TRIM16: variants seen among roughly 807,000 people sequenced by gnomAD.
The protein encoded by TRIM16 is tripartite motif-containing protein 16.
In TRIM16, 33 loss-of-function variants were observed where a neutral mutation model predicts 50.4. The ratio of observed to expected loss-of-function variants is 0.65; its 90% CI spans 0.50 to 0.88. TRIM16 has a LOEUF of 0.88. Ranked by LOEUF, TRIM16 falls within the 40% of genes least tolerant of loss-of-function variation. The probability of loss-of-function intolerance (pLI) is 0.00; values close to 1 mark genes in which losing one functional copy is unlikely to be tolerated. For synonymous variants in TRIM16, 229 were observed against 270.7 expected (o/e 0.85, Z 1.51); for missense variants, 581 against 686.8 (o/e 0.85, Z 1.72).
intron 7 of TRIM16, chr17:15,643,139 C>T (rs1419057954): frequency 8.9e-7 from 1 of 1,124,282 alleles, no homozygotes; most frequent in Non-Finnish European, 1.1e-6. Context: ...CCTAAACCCC[C>T]AACAATCTGA....
intron 4 of TRIM16, among the ~76,000 whole-genome samples, chr17:15,679,161 G>A (rs1989072565): frequency 6.6e-6 from 1 of 152,138 alleles, no homozygotes; most frequent in Admixed American, 6.5e-5. Flanking sequence ...TTACAGGCAT[G>A]AGCCACCGCA....
At position 15,632,624 on chromosome 17, in the gene TRIM16, G is replaced by A. The variant is rs1367375334; in HGVS notation, c.900C>T (p.Tyr300=). 5.0e-6 allele frequency: 8 copies of A among 1,613,724 alleles called. No homozygotes were observed. Among genetic ancestry groups the A allele is most frequent in the East Asian group, 2.2e-5 (1 of 44,888 alleles). Residue 300 remains tyrosine (Y), a synonymous_variant, in exon 10 of 12, where the codon TAC becomes TAT. Coordinates refer to ENST00000649191, the MANE Select transcript of TRIM16 (RefSeq NM_001348119.1). ...CCGAGAGTTTATCCTTCAGCCCTAC[G>A]TAAACACTAGGGAAGGTGATGTCTT... ...NTEDITFPSV[Y]VGLKDKLSGI... is the part of the protein sequence containing the mutation.
intron 6 of TRIM16, among the ~76,000 whole-genome samples, chr17:15,658,372 A>C (rs1988070141): frequency 1.3e-5 from 2 of 152,224 alleles, no homozygotes; most frequent in Non-Finnish European, 1.5e-5. Context: ...AAGCCAAAAC[A>C]GCCTTTCATT....
At chr17:15,670,066 C>A (rs1396531911) in intron 6 of TRIM16, among the ~76,000 whole-genome samples, 2 of 152,226 alleles carry the variant, frequency 1.3e-5, no homozygotes, top group East Asian at 3.8e-4. Context: ...AAGAATATCA[C>A]ACCAGGTAAA....
chr17:15,666,157 G>C (rs532223534), intron 6 of TRIM16, among the ~76,000 whole-genome samples: 3 of 152,322 alleles, frequency 2.0e-5, no homozygotes, highest in African/African-American at 4.8e-5. Flanking sequence ...TATGGCAATA[G>C]GCTCCACACT....
At chr17:15,654,607 G>A (rs776565559) in intron 6 of TRIM16, 44 of 152,286 alleles carry the variant, frequency 2.9e-4, no homozygotes, top group Non-Finnish European at 5.9e-4. Context: ...TTGTGAAGAC[G>A]CTGTTTCTCT....
At chr17:15,669,902 C>T (rs1336885458) in intron 6 of TRIM16, among the ~76,000 whole-genome samples, 9 of 152,160 alleles carry the variant, frequency 5.9e-5, no homozygotes, top group Non-Finnish European at 1.3e-4. Context: ...AGTAACACCC[C>T]CTCCCCCAAT....
chr17:15,652,069 C>T (rs1383421522), intron 6 of TRIM16, 123 bp from the exon 7 acceptor site: 1 of 686,286 alleles, frequency 1.5e-6, no homozygotes, highest in East Asian at 1.2e-4. Context: ...ACTTCAACAC[C>T]AGGACAGCCA....
intron 6 of TRIM16, among the ~76,000 whole-genome samples, chr17:15,656,728 T>TTC (rs1036814722): frequency 1.3e-5 from 2 of 152,152 alleles, no homozygotes; most frequent in African/African-American, 2.4e-5. Flanking sequence ...TCTGAATGCC[T>TTC]TCTTTGTTTT....
At chr17:15,650,971 C>T in intron 7 of TRIM16, 120 bp downstream of exon 7, 2 of 1,401,182 alleles carry the variant, frequency 1.4e-6, no homozygotes, top group Non-Finnish European at 1.9e-6. Flanking sequence ...TGAAGCTAGT[C>T]TTTTTCAGGT....
intron 6 of TRIM16, among the ~76,000 whole-genome samples, chr17:15,673,885 T>C (rs1325163736): frequency 6.6e-6 from 1 of 152,170 alleles, no homozygotes; most frequent in Non-Finnish European, 1.5e-5. Context: ...TTTCTAAAAG[T>C]GTTGACTCAA....
intron 4 of TRIM16, among the ~76,000 whole-genome samples, chr17:15,679,330 G>A (rs1271431211): frequency 6.6e-6 from 1 of 152,176 alleles, no homozygotes; most frequent in African/African-American, 2.4e-5. Context: ...GGCGAACAAA[G>A]AATGAGTTAA....
chr17:15,683,329 G>T, intron 1 of TRIM16, 172 bp from the exon 2 acceptor site: 1 of 551,350 alleles, frequency 1.8e-6, no homozygotes. Flanking sequence ...ACACAGGCAA[G>T]TCTCAGTACC....
chr17:15,665,722 A>G (rs552734139), intron 6 of TRIM16, among the ~76,000 whole-genome samples: 13 of 151,128 alleles, frequency 8.6e-5, no homozygotes, highest in African/African-American at 3.0e-4. Context: ...CTTCTTCCCA[A>G]CTTAGTCTCT....
chr17:15,681,370 C>G (rs1383370089), intron 3 of TRIM16: 3 of 160,548 alleles, frequency 1.9e-5, no homozygotes, highest in African/African-American at 7.2e-5. Context: ...GCAGTGCCCA[C>G]CCCAGCAGTC....
intron 7 of TRIM16, among the ~76,000 whole-genome samples, chr17:15,644,873 T>C (rs1987289136): frequency 6.6e-6 from 1 of 151,890 alleles, no homozygotes; most frequent in African/African-American, 2.4e-5. Flanking sequence ...TGGAGTGCAA[T>C]GGTGCAATCT....
intron 3 of TRIM16, among the ~76,000 whole-genome samples, chr17:15,682,486 T>C (rs1989221883): frequency 6.6e-6 from 1 of 152,246 alleles, no homozygotes; most frequent in South Asian, 2.1e-4. Context: ...GGGATCCCTT[T>C]GTATCTCCTT....
At position 15,638,258 on chromosome 17, in the gene TRIM16, T is replaced by TA. The variant is rs535590168; in HGVS notation, c.616-1990dup. On this transcript the variant is annotated intron_variant, in intron 8 of 11. Coordinates refer to ENST00000649191, the MANE Select transcript of TRIM16 (RefSeq NM_001348119.1). ...AGAATTATCAATAAAAAAATAAATT[T>TA]AAAAAAAAAAAAAAAAAAGAATTGG... 1.9e-3 allele frequency among the ~76,000 whole-genome samples: 219 copies of TA among 115,062 alleles called. 9 individuals carry two copies. Among genetic ancestry groups the TA allele is most frequent in the South Asian group, 3.2e-3 (11 of 3,456 alleles). The allele number at this position is 115,062 out of a possible 152,430, so 75.5% of individuals were successfully genotyped here.
intron 6 of TRIM16, among the ~76,000 whole-genome samples, chr17:15,667,872 C>A (rs1988564688): frequency 6.6e-6 from 1 of 151,956 alleles, no homozygotes; most frequent in Admixed American, 6.6e-5. Context: ...GACGTCCATA[C>A]TTACTCAGAT....
Sources: gnomAD v4.1 joint callset for allele counts (sites outside exome capture counted in the v4.1 genomes callset) on GRCh38, gnomAD v4.1.1 for gene constraint, MANE v1.5 for transcripts, NCBI Gene and HGNC (gene_info 2026-07-23, HGNC 2026-07-21) for gene names.